The following SGCZ variants were observed in gnomAD, a reference collection of about 807,000 sequenced individuals.
The protein encoded by SGCZ is zeta-sarcoglycan.
Under a neutral mutation model 41.3 loss-of-function variants are expected in SGCZ, and 40 were observed. The observed-to-expected ratio is 0.97, with a 90% CI of 0.75 to 1.26. The LOEUF (loss-of-function observed/expected upper bound fraction) is 1.26, where lower values mean the gene tolerates loss of function less well. Ranked by LOEUF, SGCZ falls within the 50% of genes most tolerant of loss-of-function variation. SGCZ has a pLI of 0.00. For missense variants in SGCZ, 552 were observed against 369.8 expected, an observed-to-expected ratio of 1.49 and a Z score of -4.04; for synonymous variants, 206 against 137.5, an observed-to-expected ratio of 1.50 and a Z score of -3.49.
At chr8:15,234,120 CA>C (rs1802047987) in intron 1 of SGCZ, among the ~76,000 whole-genome samples, 2 of 152,038 alleles carry the variant, frequency 1.3e-5, no homozygotes, top group Non-Finnish European at 2.9e-5. Flanking sequence ...TTACAAAAAG[CA>C]AAATTTAAAG....
chr8:14,613,893 C>CA (rs887037561), intron 1 of SGCZ, among the ~76,000 whole-genome samples: 24 of 150,952 alleles, frequency 1.6e-4, no homozygotes, highest in African/African-American at 1.5e-4. Context: ...GTAAAAAGTA[C>CA]AAAAAAAAAT....
intron 3 of SGCZ, among the ~76,000 whole-genome samples, chr8:14,315,447 T>A (rs527346524): frequency 1.3e-4 from 19 of 151,974 alleles, no homozygotes; most frequent in Non-Finnish European, 1.6e-4. Flanking sequence ...ACTCTAAAGA[T>A]TATGAAGCAA....
intron 1 of SGCZ, among the ~76,000 whole-genome samples, chr8:14,576,584 A>G (rs1159912109): frequency 6.6e-6 from 1 of 152,228 alleles, no homozygotes; most frequent in Non-Finnish European, 1.5e-5. Flanking sequence ...CTGATGCACA[A>G]TTTTAGCAGT....
At chr8:14,187,283 C>T (rs1194572433) in intron 4 of SGCZ, among the ~76,000 whole-genome samples, 1 of 151,948 alleles carries the variant, frequency 6.6e-6, no homozygotes, top group East Asian at 1.9e-4. Flanking sequence ...CTAAATTTTC[C>T]AATGTTCAAC....
intron 1 of SGCZ, among the ~76,000 whole-genome samples, chr8:15,046,889 T>C (rs186015154): frequency 2.6e-5 from 4 of 152,172 alleles, no homozygotes; most frequent in Admixed American, 2.6e-4. Flanking sequence ...TCTCCTACTA[T>C]TCTCTATATA....
At position 14,853,306 on chromosome 8, in the gene SGCZ, A is replaced by G. The variant is rs149646881; in HGVS notation, c.40-298380T>C. 2.2e-4 allele frequency: 55 copies of G among 244,724 alleles called. 2 individuals are homozygous for G. In the East Asian group the frequency reaches 4.5e-3, roughly 20 times the overall value. The allele number at this position is 244,724 out of a possible 1,614,324, so 15.2% of individuals were successfully genotyped here. On this transcript the variant is annotated intron_variant, in intron 1 of 7. Transcript: ENST00000382080. The stretch of plus-strand genomic sequence containing the variant: ...TTTTATGAGAAAGACAAGCTTCCAA[A>G]CACAGGTTAAACATGGCACTTTTCA...
chr8:14,657,157 G>A (rs1272905106), intron 1 of SGCZ, among the ~76,000 whole-genome samples: 1 of 151,870 alleles, frequency 6.6e-6, no homozygotes, highest in East Asian at 1.9e-4. Flanking sequence ...TCTTCCTTTT[G>A]TGTTCAGTCT....
chr8:14,354,382 A>G (rs1307330732), intron 2 of SGCZ, among the ~76,000 whole-genome samples: 2 of 151,908 alleles, frequency 1.3e-5, no homozygotes, highest in African/African-American at 4.8e-5. Context: ...TTTTTTAAAA[A>G]ACTCCTATAA....
intron 1 of SGCZ, among the ~76,000 whole-genome samples, chr8:15,015,685 C>T (rs1416379993): frequency 1.1e-4 from 2 of 17,448 alleles, no homozygotes; most frequent in South Asian, 6.0e-3. Context: ...GAGACTCCAT[C>T]TCAAAAAAAA....
intron 1 of SGCZ, among the ~76,000 whole-genome samples, chr8:14,883,871 C>G (rs1477658177): frequency 6.7e-6 from 1 of 149,816 alleles, no homozygotes; most frequent in East Asian, 2.0e-4. Flanking sequence ...TATCATAAGC[C>G]TTGAAAATAG....
intron 1 of SGCZ, among the ~76,000 whole-genome samples, chr8:14,633,712 T>G (rs1806733602): frequency 6.6e-6 from 1 of 151,858 alleles, no homozygotes. Flanking sequence ...TTTTGATCTC[T>G]TAATTCAACA....
intron 2 of SGCZ, among the ~76,000 whole-genome samples, chr8:14,427,078 GA>G (rs1799807803): frequency 8.9e-6 from 1 of 112,902 alleles, no homozygotes. Flanking sequence ...GTGAATGAAC[GA>G]ATGAATGAGT....
intron 1 of SGCZ, among the ~76,000 whole-genome samples, chr8:15,189,673 C>A (rs958774290): frequency 3.9e-5 from 6 of 152,020 alleles, no homozygotes; most frequent in Non-Finnish European, 8.8e-5. Context: ...CTGAGCCTCC[C>A]AAGTAGCTGG....
rs779658249 is a variant in SGCZ at position 14,088,576 on chromosome 8, G to T, written c.*1867C>A. On this transcript the variant is annotated 3_prime_UTR_variant, in exon 8 of 8. Transcript: ENST00000382080. ...TTATTTTAATATAAATTAAACTCTT[G>T]TGTTATAACTTTGTAAGCAATCGTA... 1.3e-5 allele frequency among the ~76,000 whole-genome samples: 2 copies of T among 151,400 alleles called. No homozygotes were observed. The highest frequency in any genetic ancestry group is 2.4e-5 in the African/African-American group (1 of 41,320).
chr8:15,136,183 G>T (rs899038829), intron 1 of SGCZ, among the ~76,000 whole-genome samples: 4 of 152,056 alleles, frequency 2.6e-5, no homozygotes, highest in African/African-American at 9.7e-5. Flanking sequence ...CCCACCTCCT[G>T]AGTAGAGTCC....
At chr8:14,962,444 A>C (rs548630183) in intron 1 of SGCZ, among the ~76,000 whole-genome samples, 30 of 152,118 alleles carry the variant, frequency 2.0e-4, no homozygotes, top group Admixed American at 9.2e-4. Flanking sequence ...AGAAAAATGA[A>C]TGTGTGTTCT....
chr8:14,863,539 A>G (rs1021515237), intron 1 of SGCZ, among the ~76,000 whole-genome samples: 1 of 152,098 alleles, frequency 6.6e-6, no homozygotes, highest in African/African-American at 2.4e-5. Flanking sequence ...TGCCTGAGTC[A>G]CCTAGAAAGA....
intron 1 of SGCZ, among the ~76,000 whole-genome samples, chr8:14,717,779 G>C (rs778542223): frequency 2.1e-4 from 32 of 151,940 alleles, no homozygotes; most frequent in African/African-American, 7.5e-4. Flanking sequence ...CTACAACTGT[G>C]TGTGAAAAAG....
At chr8:14,624,892 C>T (rs927373248) in intron 1 of SGCZ, among the ~76,000 whole-genome samples, 1 of 151,964 alleles carries the variant, frequency 6.6e-6, no homozygotes, top group Non-Finnish European at 1.5e-5. Flanking sequence ...AATTTCTGAC[C>T]TCAATCTTTC....
Sources: gnomAD v4.1 joint callset for allele counts (sites outside exome capture counted in the v4.1 genomes callset) on GRCh38, gnomAD v4.1.1 for gene constraint, MANE v1.5 for transcripts, NCBI Gene and HGNC (gene_info 2026-07-23, HGNC 2026-07-21) for gene names.